SHC4: variants seen among roughly 807,000 people sequenced by gnomAD.
SHC4 encodes SHC-transforming protein 4.
In SHC4, 41 loss-of-function variants were observed where a neutral mutation model predicts 69.4. The ratio of observed to expected loss-of-function variants is 0.59; its 90% CI spans 0.46 to 0.77. The LOEUF is 0.77. Among genes scored for constraint, SHC4 ranks in the 30% least tolerant of loss-of-function variants. The pLI is 0.00. For synonymous variants in SHC4, 318 were observed against 299.3 expected (o/e 1.06, Z -0.64); for missense variants, 777 against 783.8 (o/e 0.99, Z 0.10).
chr15:48,955,096 C>T (rs1171782946), intron 1 of SHC4, among the ~76,000 whole-genome samples: 1 of 152,174 alleles, frequency 6.6e-6, no homozygotes, highest in Non-Finnish European at 1.5e-5. Context: ...GGCAGGATCC[C>T]TCTCTTGGGT....
chr15:48,960,277 G>A (rs182676133), intron 1 of SHC4, among the ~76,000 whole-genome samples: 47 of 152,302 alleles, frequency 3.1e-4, no homozygotes, highest in African/African-American at 1.1e-3. Context: ...TGGGTATGGG[G>A]AGGTTGCAGG....
chr15:48,939,244 G>T (rs879445486), intron 1 of SHC4, among the ~76,000 whole-genome samples: 1 of 152,184 alleles, frequency 6.6e-6, no homozygotes, highest in Non-Finnish European at 1.5e-5. Context: ...GGGATGCAAG[G>T]GGCTATGGGA....
At chr15:48,868,888 C>G (rs1434333942) in intron 5 of SHC4, among the ~76,000 whole-genome samples, 1 of 152,154 alleles carries the variant, frequency 6.6e-6, no homozygotes, top group African/African-American at 2.4e-5. Flanking sequence ...AAGGCCATAT[C>G]CTTGGGCTTT....
intron 4 of SHC4, chr15:48,876,568 T>C (rs957950610): frequency 3.9e-5 from 27 of 694,880 alleles, no homozygotes; most frequent in Non-Finnish European, 6.3e-5. Context: ...GGTCCTACAA[T>C]AGGCTGTCTG....
At chr15:48,921,331 G>C (rs972478011) in intron 2 of SHC4, among the ~76,000 whole-genome samples, 1 of 140,372 alleles carries the variant, frequency 7.1e-6, no homozygotes, top group Admixed American at 7.2e-5. Flanking sequence ...GGAAGTTATC[G>C]TTTTTTTTTT....
intron 1 of SHC4, among the ~76,000 whole-genome samples, chr15:48,958,104 T>C (rs1901484184): frequency 6.6e-6 from 1 of 152,240 alleles, no homozygotes; most frequent in Non-Finnish European, 1.5e-5. Flanking sequence ...CCACGCAGTT[T>C]GTGGGACTTG....
intron 10 of SHC4, among the ~76,000 whole-genome samples, chr15:48,838,213 G>A (rs116058214): frequency 6.6e-6 from 1 of 152,292 alleles, no homozygotes; most frequent in African/African-American, 2.4e-5. Context: ...TTATAACTGA[G>A]AGCTGAAACA....
At chr15:48,855,107 T>C (rs1899286228) in intron 8 of SHC4, among the ~76,000 whole-genome samples, 1 of 151,914 alleles carries the variant, frequency 6.6e-6, no homozygotes, top group African/African-American at 2.4e-5. Flanking sequence ...GGTGACAAAA[T>C]TATCTGTATG....
At chr15:48,849,788 G>T (rs1899172326) in intron 9 of SHC4, among the ~76,000 whole-genome samples, 1 of 152,126 alleles carries the variant, frequency 6.6e-6, no homozygotes, top group African/African-American at 2.4e-5. Flanking sequence ...ATTCATACTT[G>T]CCATTAATTT....
intron 4 of SHC4, chr15:48,876,874 T>G (rs942287809): frequency 8.5e-6 from 2 of 236,236 alleles, no homozygotes; most frequent in Admixed American, 1.1e-4. Context: ...TATCCTTCAA[T>G]CCAATCAAGT....
chr15:48,878,373 T>G, intron 4 of SHC4: 2 of 1,612,980 alleles, frequency 1.2e-6, no homozygotes, highest in South Asian at 1.1e-5. Flanking sequence ...GCCCAGCCAA[T>G]GGCGGCGCCA....
chr15:48,915,925 T>C (rs1212788925), intron 2 of SHC4, among the ~76,000 whole-genome samples: 7 of 152,202 alleles, frequency 4.6e-5, no homozygotes, highest in Admixed American at 4.6e-4. Context: ...TCCCCCTCTC[T>C]GGTGATCTTT....
rs1301764702 is a variant in SHC4 at position 48,962,595 on chromosome 15, CG to C, written c.420del (p.Thr142LeufsTer17). On this transcript the variant is annotated frameshift_variant, in exon 1 of 12. Transcript: ENST00000332408. LOFTEE classifies it high-confidence loss of function. ...TCCTGCTGCGGTGGAGGTGCAGTCCCGGACCTACTTAAACTGGTTTCTGGGG... is the reference window on the plus strand; with the variant it reads ...TCCTGCTGCGGTGGAGGTGCAGTCCCGACCTACTTAAACTGGTTTCTGGGG... ...PSSPETSLSR[S>X]GTAPPPQQDL... 1 of 1,613,528 alleles carries C rather than the reference CG, an allele frequency of 6.2e-7. No individual in the cohort carries two copies. The highest frequency in any genetic ancestry group is 8.5e-7 in the Non-Finnish European group (1 of 1,179,784).
intron 7 of SHC4, among the ~76,000 whole-genome samples, 188 bp from the exon 8 acceptor site, chr15:48,856,312 T>C (rs939338421): frequency 1.3e-5 from 2 of 152,220 alleles, no homozygotes; most frequent in African/African-American, 4.8e-5. Flanking sequence ...TTTAGCTTTC[T>C]GTAGACAAAA....
At chr15:48,850,771 C>T (rs1041225433) in intron 9 of SHC4, among the ~76,000 whole-genome samples, 13 of 152,174 alleles carry the variant, frequency 8.5e-5, no homozygotes, top group African/African-American at 3.1e-4. Context: ...GACATCCTTT[C>T]GTTCCCTTTG....
chr15:48,928,994 T>A (rs1900906096), intron 1 of SHC4, among the ~76,000 whole-genome samples: 1 of 152,274 alleles, frequency 6.6e-6, no homozygotes, highest in South Asian at 2.1e-4. Flanking sequence ...ACATGAGTCA[T>A]GGCCTGAGAT....
chr15:48,878,300 C>T, intron 4 of SHC4: 1 of 1,613,790 alleles, frequency 6.2e-7, no homozygotes, highest in Non-Finnish European at 8.5e-7. Flanking sequence ...GGAGCTATCC[C>T]TGCGTCCCTC....
intron 1 of SHC4, among the ~76,000 whole-genome samples, chr15:48,958,655 C>T (rs1280719367): frequency 6.6e-6 from 1 of 152,208 alleles, no homozygotes; most frequent in Non-Finnish European, 1.5e-5. Context: ...GGCTTTCAAG[C>T]CAATTCTCTC....
At chr15:48,942,130 T>C (rs1057424392) in intron 1 of SHC4, among the ~76,000 whole-genome samples, 2 of 152,062 alleles carry the variant, frequency 1.3e-5, no homozygotes, top group African/African-American at 4.8e-5. Context: ...CATCACAGGG[T>C]CATCATGATC....
Sources: allele counts gnomAD v4.1 joint callset (sites outside exome capture counted in the v4.1 genomes callset), GRCh38; gene constraint gnomAD v4.1.1; transcripts MANE v1.5; gene names NCBI Gene and HGNC (gene_info 2026-07-23, HGNC 2026-07-21).